The following UGT8 variants were observed in gnomAD, a reference collection of about 807,000 sequenced individuals.
UGT8 encodes the protein 2-hydroxyacylsphingosine 1-beta-galactosyltransferase.
UGT8 carries 12 observed loss-of-function variants against 40.5 expected under a neutral mutation model. That is an observed-to-expected ratio of 0.30 (90% CI 0.19 to 0.48). UGT8 has a LOEUF of 0.48. Ranked by LOEUF, UGT8 falls within the 20% of genes least tolerant of loss-of-function variation. The pLI, the probability that UGT8 is intolerant of heterozygous loss-of-function variation, is 0.99. For synonymous variants in UGT8, 224 were observed against 240.4 expected, an observed-to-expected ratio of 0.93 and a Z score of 0.63; for missense variants, 513 against 648.7, an observed-to-expected ratio of 0.79 and a Z score of 2.27.
chr4:114,600,117 T>G (rs1191519982), intron 1 of UGT8, among the ~76,000 whole-genome samples: 1 of 152,134 alleles, frequency 6.6e-6, no homozygotes, highest in African/African-American at 2.4e-5. Context: ...TAGGCGTTCT[T>G]AGCAGGAAAA....
chr4:114,626,985 A>G (rs1448667622), intron 2 of UGT8, among the ~76,000 whole-genome samples: 2 of 152,078 alleles, frequency 1.3e-5, no homozygotes, highest in African/African-American at 2.4e-5. Context: ...TAGAGTGAAG[A>G]AATTGTGTGC....
chr4:114,638,765 C>A (rs1733037600), intron 2 of UGT8, among the ~76,000 whole-genome samples: 1 of 152,196 alleles, frequency 6.6e-6, no homozygotes, highest in Admixed American at 6.5e-5. Context: ...GTTATGAATT[C>A]TCTACATCAT....
intron 2 of UGT8, among the ~76,000 whole-genome samples, chr4:114,643,150 C>G (rs1033564545): frequency 3.3e-5 from 5 of 152,104 alleles, no homozygotes; most frequent in Admixed American, 2.0e-4. Flanking sequence ...TACTCTCTGA[C>G]TTTTTTGTTT....
intron 5 of UGT8, among the ~76,000 whole-genome samples, chr4:114,671,326 C>T (rs1735259745): frequency 6.6e-6 from 1 of 152,102 alleles, no homozygotes; most frequent in Admixed American, 6.5e-5. Flanking sequence ...CATATGGAAT[C>T]AAAGAAGACC....
intron 2 of UGT8, among the ~76,000 whole-genome samples, chr4:114,639,967 G>A (rs1486929661): frequency 6.6e-6 from 1 of 151,490 alleles, no homozygotes; most frequent in Non-Finnish European, 1.5e-5. Flanking sequence ...GTCATATTTA[G>A]TGCATTTTCC....
chr4:114,651,076 G>A (rs549818112), intron 2 of UGT8, among the ~76,000 whole-genome samples: 1 of 152,082 alleles, frequency 6.6e-6, no homozygotes, highest in Middle Eastern at 3.4e-3. Context: ...CTGTACTTGT[G>A]TTCTCCAATT....
intron 2 of UGT8, among the ~76,000 whole-genome samples, chr4:114,648,484 A>C (rs935919206): frequency 2.1e-4 from 32 of 150,336 alleles, no homozygotes; most frequent in Middle Eastern, 3.2e-3. Context: ...TCTTGCCATT[A>C]TGGCACAAAA....
rs1452711940 is a variant in UGT8, at chr4:114,632,393, C to T, written c.822+8691C>T. Reference sequence around the variant, plus strand: ...GGTGGCTTTTGACAGGGTGGATTTTCAGAAAAATTATGGTGTTCAAATGCA... The same window carrying T: ...GGTGGCTTTTGACAGGGTGGATTTTTAGAAAAATTATGGTGTTCAAATGCA... On this transcript the variant is annotated intron_variant, in intron 2 of 5. Coordinates refer to ENST00000310836, the MANE Select transcript of UGT8 (RefSeq NM_001128174.3). Among the ~76,000 whole-genome samples, 3 of 152,078 alleles carry T rather than the reference C, an allele frequency of 2.0e-5. No individual in the cohort carries two copies. In the East Asian group the frequency reaches 5.8e-4, roughly 29 times the overall value.
At chr4:114,625,509 TAAAAAAAAAAAAA>T (rs767102968) in intron 2 of UGT8, among the ~76,000 whole-genome samples, 1 of 75,274 alleles carries the variant, frequency 1.3e-5, no homozygotes, top group Non-Finnish European at 2.4e-5. Flanking sequence ...AGACCCTGTC[TAAAAAAAAAAAAA>T]AAAAAAAAAA....
chr4:114,678,110 T>A lies in UGT8; in HGVS notation c.*1822T>A, dbSNP rs1735761931. The A allele has an allele frequency of 6.6e-6, 1 of 152,182 alleles. No homozygotes were observed. The highest frequency in any genetic ancestry group is 2.1e-4 in the South Asian group (1 of 4,834). 9.4% of individuals were successfully genotyped at this position (152,182 alleles called of 1,614,324 possible). ...GAGGACTTAGAGTGTATGAATGAGT[T>A]GATTTTACTTTTTTGGAATTTGATT... On this transcript the variant is annotated 3_prime_UTR_variant, in exon 6 of 6. Coordinates refer to ENST00000310836, the MANE Select transcript of UGT8 (RefSeq NM_001128174.3).
chr4:114,627,555 G>A (rs898759185), intron 2 of UGT8, among the ~76,000 whole-genome samples: 4 of 152,124 alleles, frequency 2.6e-5, no homozygotes, highest in Non-Finnish European at 5.9e-5. Context: ...ACCGCGCCTG[G>A]CCAAATAGAT....
chr4:114,627,784 T>A (rs1437469264), intron 2 of UGT8, among the ~76,000 whole-genome samples: 1 of 152,232 alleles, frequency 6.6e-6, no homozygotes, highest in Non-Finnish European at 1.5e-5. Context: ...CTGCCACTTT[T>A]CAACTTCTAC....
chr4:114,654,848 G>T (rs1734081188), intron 2 of UGT8, among the ~76,000 whole-genome samples: 1 of 152,072 alleles, frequency 6.6e-6, no homozygotes, highest in Admixed American at 6.6e-5. Context: ...CAGTGTGGAC[G>T]TAGCACCTCT....
intron 2 of UGT8, among the ~76,000 whole-genome samples, chr4:114,652,540 A>G (rs1733947560): frequency 6.6e-6 from 1 of 152,046 alleles, no homozygotes; most frequent in South Asian, 2.1e-4. Context: ...ATAAAAAGAA[A>G]TTGGTGAGAA....
chr4:114,675,466 C>T (rs773184961), intron 5 of UGT8, among the ~76,000 whole-genome samples: 3 of 152,048 alleles, frequency 2.0e-5, no homozygotes, highest in Non-Finnish European at 4.4e-5. Context: ...TTAGGCCGGG[C>T]GCGGTGGCTC....
At position 114,622,894 on chromosome 4, in the gene UGT8, C is replaced by A; in HGVS notation, c.14C>A (p.Thr5Asn). 1 of 1,612,434 alleles carries A rather than the reference C, an allele frequency of 6.2e-7. No homozygotes were observed. The highest frequency in any genetic ancestry group is 8.5e-7 in the Non-Finnish European group (1 of 1,179,076). MKSYTPYFILLWSAV... is the reference protein window; with the variant it reads MKSYNPYFILLWSAV... Reference sequence around the variant, plus strand: ...GTTATTACAGCTATGAAGTCTTACACTCCATATTTCATTCTCCTGTGGAGT... The same window carrying A: ...GTTATTACAGCTATGAAGTCTTACAATCCATATTTCATTCTCCTGTGGAGT... The change falls in exon 2 of 6, where the codon ACT (threonine) becomes AAT (asparagine). Residue 5 changes from threonine (T) to asparagine (N), a missense_variant. Around this residue, in one of 3 missense-constraint regions of UGT8, gnomAD observed 335 missense variants for 444.8 expected, o/e 0.75. Transcript: ENST00000310836.
chr4:114,670,824 G>T (rs1229096406), intron 5 of UGT8, among the ~76,000 whole-genome samples: 2 of 152,130 alleles, frequency 1.3e-5, no homozygotes, highest in Non-Finnish European at 2.9e-5. Context: ...GGGCAGTCAG[G>T]CAAGAGAAAG....
intron 1 of UGT8, among the ~76,000 whole-genome samples, chr4:114,617,001 C>T (rs1247283635): frequency 6.6e-6 from 1 of 152,068 alleles, no homozygotes; most frequent in Non-Finnish European, 1.5e-5. Flanking sequence ...GCCTGTAATC[C>T]CAGCACTTTG....
chr4:114,667,531 A>C (rs144575937), intron 4 of UGT8, among the ~76,000 whole-genome samples: 2 of 152,230 alleles, frequency 1.3e-5, no homozygotes, highest in African/African-American at 4.8e-5. Flanking sequence ...GTTTGAGCAC[A>C]TAAATGTAAA....
Sources: allele counts gnomAD v4.1 joint callset (sites outside exome capture counted in the v4.1 genomes callset), GRCh38; gene constraint gnomAD v4.1.1; regional missense constraint gnomAD v4.1.1; transcripts MANE v1.5; gene names NCBI Gene and HGNC (gene_info 2026-07-23, HGNC 2026-07-21).